The following ENTPD1 variants were observed in gnomAD, a reference collection of about 807,000 sequenced individuals.
The protein encoded by ENTPD1 is ATP diphosphohydrolase.
A neutral mutation model predicts 57.0 loss-of-function variants in ENTPD1; 33 were observed. That is an observed-to-expected ratio of 0.58 (90% confidence interval 0.44 to 0.77). The LOEUF is 0.77. Ranked by LOEUF, ENTPD1 falls within the 30% of genes least tolerant of loss-of-function variation. The pLI, the probability that ENTPD1 is intolerant of heterozygous loss-of-function variation, is 0.00. For synonymous variants in ENTPD1, 202 were observed against 218.8 expected (o/e 0.92, Z 0.68); for missense variants, 501 against 603.4 (o/e 0.83, Z 1.78).
upstream of ENTPD1, among the ~76,000 whole-genome samples, chr10:95,710,098 A>G (rs1186791798): frequency 1.3e-5 from 2 of 151,816 alleles, no homozygotes; most frequent in African/African-American, 4.8e-5. Flanking sequence ...TTAAACCATC[A>G]TTAATTTTTA....
chr10:95,754,933 G>A (rs2098018613), upstream of ENTPD1: 1 of 152,230 alleles, frequency 6.6e-6, no homozygotes. Flanking sequence ...AAAGCTCGCT[G>A]GAGAATATAG....
chr10:95,853,138 G>T (rs1297204571), intron 7 of ENTPD1, among the ~76,000 whole-genome samples: 4 of 152,096 alleles, frequency 2.6e-5, no homozygotes, highest in African/African-American at 9.7e-5. Flanking sequence ...CCTTGAAGAG[G>T]TCCTTCACAT....
At chr10:95,745,663 A>C (rs2098005240) in intron 1 of ENTPD1, among the ~76,000 whole-genome samples, 2 of 152,216 alleles carry the variant, frequency 1.3e-5, no homozygotes, top group South Asian at 4.1e-4. Flanking sequence ...GTTATAGCTA[A>C]AAAAACTAAG....
chr10:95,786,311 T>G (rs562775113), intron 1 of ENTPD1, among the ~76,000 whole-genome samples: 1 of 152,292 alleles, frequency 6.6e-6, no homozygotes, highest in South Asian at 2.1e-4. Context: ...GTATTTCTTT[T>G]TAACTCCACC....
intron 1 of ENTPD1, among the ~76,000 whole-genome samples, chr10:95,762,072 A>G (rs1015291515): frequency 7.2e-5 from 11 of 152,202 alleles, no homozygotes; most frequent in East Asian, 5.8e-4. Flanking sequence ...GAGGTTGTCT[A>G]ACATGTATGA....
intron 1 of ENTPD1, among the ~76,000 whole-genome samples, chr10:95,822,680 A>G (rs895962116): frequency 2.6e-5 from 4 of 152,210 alleles, no homozygotes; most frequent in African/African-American, 9.6e-5. Flanking sequence ...AAATAAGATA[A>G]TATGAATTAT....
rs1566246711 is a variant in ENTPD1, at chr10:95,857,428, T to C, written c.1075-3041T>C. Among the ~76,000 whole-genome samples, 3 of 152,218 alleles carry C rather than the reference T, an allele frequency of 2.0e-5. No homozygotes were observed. In the East Asian group the frequency reaches 5.8e-4, roughly 29 times the overall value. On this transcript the variant is annotated intron_variant, in intron 7 of 9. Transcript: ENST00000371205. Reference sequence around the variant, plus strand: ...CTAGGATTAATTTCAGAAAGTCTTTTGAAATGTAACAATTTAAGGAAATAT... The same window carrying C: ...CTAGGATTAATTTCAGAAAGTCTTTCGAAATGTAACAATTTAAGGAAATAT...
chr10:95,805,051 C>T (rs1034538899), intron 1 of ENTPD1, among the ~76,000 whole-genome samples: 6 of 152,008 alleles, frequency 3.9e-5, no homozygotes, highest in Non-Finnish European at 8.8e-5. Context: ...CCTTGTTAAC[C>T]TTCTGTCTCG....
upstream of ENTPD1, chr10:95,753,555 T>C (rs2098015486): frequency 6.6e-6 from 1 of 152,232 alleles, no homozygotes; most frequent in African/African-American, 2.4e-5. Context: ...AAACCAGAAG[T>C]TGGGTACTAG....
At chr10:95,802,564 C>T (rs2098254309) in intron 1 of ENTPD1, among the ~76,000 whole-genome samples, 1 of 152,058 alleles carries the variant, frequency 6.6e-6, no homozygotes, top group Non-Finnish European at 1.5e-5. Flanking sequence ...CCCATCAACT[C>T]ATCATTCACA....
upstream of ENTPD1, among the ~76,000 whole-genome samples, chr10:95,752,813 G>A (rs1467000786): frequency 1.3e-5 from 2 of 152,140 alleles, no homozygotes; most frequent in East Asian, 1.9e-4. Flanking sequence ...GTTACACGGT[G>A]AGCCAATGCA....
At chr10:95,713,535 G>A (rs1193962977) in intron 1 of ENTPD1, among the ~76,000 whole-genome samples, 1 of 152,210 alleles carries the variant, frequency 6.6e-6, no homozygotes, top group Non-Finnish European at 1.5e-5. Flanking sequence ...TTACAAATAA[G>A]GCATTCCACC....
chr10:95,756,313 T>C, intron 1 of ENTPD1, 58 bp downstream of exon 1: 1 of 1,527,038 alleles, frequency 6.5e-7, no homozygotes, highest in Non-Finnish European at 8.8e-7. Flanking sequence ...GAAGGAAAAA[T>C]AAAAGCCCAG....
chr10:95,784,866 G>A (rs2098172718), intron 1 of ENTPD1, among the ~76,000 whole-genome samples: 1 of 152,178 alleles, frequency 6.6e-6, no homozygotes, highest in Admixed American at 6.6e-5. Flanking sequence ...GGGTTTGGCA[G>A]GAGTGGCGTT....
intron 1 of ENTPD1, among the ~76,000 whole-genome samples, chr10:95,742,120 T>C (rs1388585413): frequency 2.6e-5 from 4 of 152,206 alleles, no homozygotes; most frequent in Non-Finnish European, 5.9e-5. Context: ...GGCCATGTGT[T>C]CTTCAAAACT....
intron 1 of ENTPD1, among the ~76,000 whole-genome samples, chr10:95,714,712 A>G (rs2097969582): frequency 6.6e-6 from 1 of 152,310 alleles, no homozygotes; most frequent in South Asian, 2.1e-4. Flanking sequence ...TTTGTGCATT[A>G]CTTTACTTCA....
In ENTPD1 at chr10:95,756,199, G is replaced by C. The variant is rs1050197283; in HGVS notation, c.-41G>C. The C allele has an allele frequency of 8.2e-6, 13 of 1,581,248 alleles. No homozygotes were observed. In the African/African-American group the frequency reaches 1.8e-4, roughly 21 times the overall value. On this transcript the variant is annotated 5_prime_UTR_variant, in exon 1 of 10. Transcript: ENST00000371205. The stretch of plus-strand genomic sequence containing the variant: ...CCACAGCAAGCAGAGGCTGGGGGGG[G>C]GAAAGACGAGGAAAGAGGAGGAAAA...
chr10:95,832,399 A>T (rs12763743), intron 2 of ENTPD1, among the ~76,000 whole-genome samples: 17,858 of 152,144 alleles, frequency 0.12, 1,156 homozygotes, highest in Middle Eastern at 0.22. Flanking sequence ...TTAAAAAAAA[A>T]TAGCCTTAAT....
At chr10:95,787,458 A>AGGAAGGAGAGG (rs2098184597) in intron 1 of ENTPD1, among the ~76,000 whole-genome samples, 1 of 152,206 alleles carries the variant, frequency 6.6e-6, no homozygotes, top group Non-Finnish European at 1.5e-5. Context: ...TGTTAAAGAT[A>AGGAAGGAGAGG]GTATTTGGCT....
Sources: gnomAD v4.1 joint callset for allele counts (sites outside exome capture counted in the v4.1 genomes callset) on GRCh38, gnomAD v4.1.1 for gene constraint, MANE v1.5 for transcripts, NCBI Gene and HGNC (gene_info 2026-07-23, HGNC 2026-07-21) for gene names.